The following MACROH2A1 variants were observed in gnomAD, a reference collection of about 807,000 sequenced individuals.
The protein encoded by MACROH2A1 is core histone macro-H2A.1.
MACROH2A1 carries 2 observed loss-of-function variants against 31.6 expected under a neutral mutation model. The observed-to-expected ratio is 0.06, with a 90% CI of 0.03 to 0.20. The LOEUF is 0.20. Ranked by LOEUF, MACROH2A1 falls within the 10% of genes least tolerant of loss-of-function variation. The probability of loss-of-function intolerance (pLI) is 1.00; values close to 1 mark genes in which losing one functional copy is unlikely to be tolerated. For missense variants in MACROH2A1, 230 were observed against 474.0 expected (o/e 0.49, Z 4.78); for synonymous variants, 169 against 189.6 (o/e 0.89, Z 0.89).
intron 1 of MACROH2A1, among the ~76,000 whole-genome samples, chr5:135,392,077 C>T (rs1234586695): frequency 1.3e-5 from 2 of 152,208 alleles, no homozygotes; most frequent in Non-Finnish European, 2.9e-5. Context: ...TGTCTCTGAA[C>T]ACGCAGTTCT....
chr5:135,344,945 C>A (rs1346010358), intron 7 of MACROH2A1: 1 of 152,206 alleles, frequency 6.6e-6, no homozygotes. Flanking sequence ...GGAAAGGACC[C>A]ACAGGCTGGT....
chr5:135,341,211 C>T (rs1759789556), intron 8 of MACROH2A1, among the ~76,000 whole-genome samples: 1 of 152,202 alleles, frequency 6.6e-6, no homozygotes. Flanking sequence ...GTCCCTATAG[C>T]CTCACTTGCT....
intron 5 of MACROH2A1, chr5:135,355,505 A>C (rs560563704): frequency 7.2e-6 from 2 of 279,154 alleles, no homozygotes; most frequent in Non-Finnish European, 1.4e-5. Context: ...CTGAGCCACA[A>C]AAGTTTTTTT....
intron 2 of MACROH2A1, among the ~76,000 whole-genome samples, chr5:135,381,682 A>T (rs1464237199): frequency 2.6e-5 from 4 of 152,240 alleles, no homozygotes; most frequent in Non-Finnish European, 4.4e-5. Flanking sequence ...TATGACTGAA[A>T]TTTAAAATTC....
chr5:135,373,512 C>T (rs1398367189), intron 2 of MACROH2A1, among the ~76,000 whole-genome samples: 1 of 152,192 alleles, frequency 6.6e-6, no homozygotes, highest in African/African-American at 2.4e-5. Context: ...TCAGTTTCTC[C>T]ATTAGAGAAA....
intron 5 of MACROH2A1, chr5:135,358,175 C>T: frequency 5.1e-6 from 5 of 985,056 alleles, no homozygotes; most frequent in South Asian, 4.7e-5. Flanking sequence ...TGATTTTCAC[C>T]TGACAGTAAT....
In MACROH2A1 at chr5:135,368,832, TA is replaced by T. The variant is rs765638212; in HGVS notation, c.477+573del. Among the ~76,000 whole-genome samples the T allele has an allele frequency of 1.9e-3, 290 of 152,228 alleles. 2 individuals carry two copies. Among genetic ancestry groups the T allele is most frequent in the Middle Eastern group, 3.4e-3 (1 of 294 alleles). ...CTTCTCCACCCAAGATGACATTAGA[TA>T]ACACTAATGAGAGGGTTTCCAGCAC... On this transcript the variant is annotated intron_variant, in intron 4 of 8. Transcript: ENST00000511689.
chr5:135,370,172 A>C, intron 2 of MACROH2A1, 30 bp from the exon 3 acceptor site: 2 of 1,394,794 alleles, frequency 1.4e-6, no homozygotes, highest in Non-Finnish European at 2.0e-6. Flanking sequence ...GTGTATGGTC[A>C]TGTTAGAGGA....
rs971318310 is a variant in MACROH2A1, at chr5:135,385,275, G to A, written c.172+3647C>T. Among the ~76,000 whole-genome samples, 10 of 152,210 alleles carry A rather than the reference G, an allele frequency of 6.6e-5. 1 individual carries two copies. Among genetic ancestry groups the A allele is most frequent in the African/African-American group, 2.4e-4 (10 of 41,442 alleles). On this transcript the variant is annotated intron_variant, in intron 2 of 8. Transcript: ENST00000511689. The stretch of plus-strand genomic sequence containing the variant: ...CACCTAAACAAGCAGGGCAGCTCTG[G>A]TAACTGGTTAACAAGCATTCTCCAG...
chr5:135,378,001 T>C (rs923041048), intron 2 of MACROH2A1, among the ~76,000 whole-genome samples: 2 of 152,238 alleles, frequency 1.3e-5, no homozygotes, highest in Non-Finnish European at 2.9e-5. Flanking sequence ...GCCTCTGTGC[T>C]GTCTGCCGGT....
intron 8 of MACROH2A1, among the ~76,000 whole-genome samples, chr5:135,342,828 G>A (rs1451316262): frequency 1.3e-5 from 2 of 152,160 alleles, no homozygotes; most frequent in Non-Finnish European, 2.9e-5. Flanking sequence ...AGGGGCAGAG[G>A]GCTTTATCCA....
intron 8 of MACROH2A1, among the ~76,000 whole-genome samples, chr5:135,336,808 G>T (rs895541777): frequency 6.6e-6 from 1 of 152,250 alleles, no homozygotes; most frequent in African/African-American, 2.4e-5. Flanking sequence ...GAGTCAAGGA[G>T]CACAGAGGAC....
intron 5 of MACROH2A1, chr5:135,353,321 T>G: frequency 2.5e-6 from 1 of 401,164 alleles, no homozygotes; most frequent in Non-Finnish European, 4.6e-6. Flanking sequence ...AGATCAGCTT[T>G]CCTTTAAAGG....
intron 2 of MACROH2A1, among the ~76,000 whole-genome samples, chr5:135,376,725 T>C (rs1349253096): frequency 1.3e-5 from 2 of 152,200 alleles, no homozygotes; most frequent in Non-Finnish European, 2.9e-5. Context: ...GGGGGAGTGA[T>C]ACCTGAGGTT....
In MACROH2A1 at chr5:135,343,554, G is replaced by A. The variant is rs533186102; in HGVS notation, c.779-120C>T. On this transcript the variant is annotated intron_variant, in intron 7 of 8. Transcript: ENST00000511689. Reference sequence around the variant, plus strand: ...CTTCCTGGGCCCTCCAATGCCCTGTGTCCGAGGAGTTCCACAGCTGTCTGC... The same window carrying A: ...CTTCCTGGGCCCTCCAATGCCCTGTATCCGAGGAGTTCCACAGCTGTCTGC... The A allele has an allele frequency of 5.3e-5, 77 of 1,444,650 alleles. No homozygotes were observed. In the Middle Eastern group the frequency reaches 8.2e-4, roughly 15 times the overall value. The allele number at this position is 1,444,650 out of a possible 1,614,324, so 89.5% of individuals were successfully genotyped here.
chr5:135,353,949 C>CAT (rs1761887951), intron 5 of MACROH2A1: 2 of 152,206 alleles, frequency 1.3e-5, no homozygotes, highest in South Asian at 2.1e-4. Context: ...GTCCCAGGTC[C>CAT]TACTATTCCC....
chr5:135,360,026 AC>A, intron 5 of MACROH2A1: 1 of 324,828 alleles, frequency 3.1e-6, no homozygotes, highest in Non-Finnish European at 4.5e-6. Context: ...AACCCAGTGC[AC>A]CCATCAGTAC....
At chr5:135,360,240 C>T (rs1292902363) in intron 5 of MACROH2A1, 1 of 519,092 alleles carries the variant, frequency 1.9e-6, no homozygotes, top group Non-Finnish European at 3.5e-6. Context: ...CAAGGGTCCC[C>T]ATCTCCCACA....
At chr5:135,388,804 A>C (rs1581357761) in intron 2 of MACROH2A1, 118 bp downstream of exon 2, 1 of 822,010 alleles carries the variant, frequency 1.2e-6, no homozygotes, top group East Asian at 2.6e-5. Context: ...CTCTTCTTGT[A>C]ACTTTTCTGT....
Sources: allele counts gnomAD v4.1 joint callset (sites outside exome capture counted in the v4.1 genomes callset), GRCh38; gene constraint gnomAD v4.1.1; transcripts MANE v1.5; gene names NCBI Gene and HGNC (gene_info 2026-07-23, HGNC 2026-07-21).